ZFPM1: variants seen among roughly 807,000 people sequenced by gnomAD.
ZFPM1 encodes zinc finger protein, FOG family member 1.
Under a neutral mutation model 46.3 loss-of-function variants are expected in ZFPM1, and 28 were observed. That is an observed-to-expected ratio of 0.60 (90% CI 0.45 to 0.83). The LOEUF is 0.83. Among genes scored for constraint, ZFPM1 ranks in the 40% least tolerant of loss-of-function variants. ZFPM1 has a pLI of 0.00. For synonymous variants in ZFPM1, 957 were observed against 675.9 expected (o/e 1.42, Z -6.45); for missense variants, 1,878 against 1,432.4 (o/e 1.31, Z -5.02).
chr16:88,521,403 C>A (rs552775326), intron 4 of ZFPM1, among the ~76,000 whole-genome samples: 1 of 152,020 alleles, frequency 6.6e-6, no homozygotes, highest in African/African-American at 2.4e-5. Flanking sequence ...TGCTCAGACC[C>A]TGTGGTGCCT....
At chr16:88,523,788 G>T (rs1428194926) in intron 4 of ZFPM1, among the ~76,000 whole-genome samples, 1 of 152,180 alleles carries the variant, frequency 6.6e-6, no homozygotes, top group Non-Finnish European at 1.5e-5. Context: ...TCTCCTACCT[G>T]TTCCCTCCCG....
Position 88,453,568 on chromosome 16 carries a change from C to T in ZFPM1, c.-71C>T. 1 of 863,430 alleles carries T rather than the reference C, an allele frequency of 1.2e-6. No individual in the cohort carries two copies. The highest frequency in any genetic ancestry group is 1.4e-6 in the Non-Finnish European group (1 of 721,658). The allele number at this position is 863,430 out of a possible 1,614,324, so 53.5% of individuals were successfully genotyped here. On this transcript the variant is annotated 5_prime_UTR_variant, in exon 1 of 10. Transcript: ENST00000319555. ...CATGAGCGGCCCCGCGGCCCCGCCG[C>T]GCCCCCGCCGCCCGCCGCCGCCCGC...
intron 4 of ZFPM1, among the ~76,000 whole-genome samples, chr16:88,519,287 GGATGGA>G: frequency 6.6e-6 from 1 of 151,304 alleles, no homozygotes; most frequent in African/African-American, 2.4e-5. Context: ...ATGGATGGAT[GGATGGA>G]TGGGTGGGTG....
chr16:88,514,358 C>T (rs1214620008), intron 3 of ZFPM1, 29 bp from the exon 4 acceptor site: 28 of 1,557,426 alleles, frequency 1.8e-5, no homozygotes, highest in Admixed American at 1.9e-5. Flanking sequence ...AGACCGGGCA[C>T]GCCTCATGCC....
chr16:88,498,349 G>A (rs1368551864), intron 3 of ZFPM1, among the ~76,000 whole-genome samples: 1 of 152,218 alleles, frequency 6.6e-6, no homozygotes, highest in Non-Finnish European at 1.5e-5. Context: ...CGCATATCAG[G>A]TGCTGGATAG....
chr16:88,519,005 G>C (rs953980815), intron 4 of ZFPM1, among the ~76,000 whole-genome samples: 1 of 150,686 alleles, frequency 6.6e-6, no homozygotes, highest in African/African-American at 2.5e-5. Context: ...TAGACGTATG[G>C]GTGGATGGAT....
intron 1 of ZFPM1, among the ~76,000 whole-genome samples, chr16:88,472,367 T>G (rs1908466376): frequency 1.3e-5 from 2 of 149,948 alleles, no homozygotes; most frequent in African/African-American, 4.9e-5. Flanking sequence ...TTTTTTTTTT[T>G]TTTTTGAGAC....
chr16:88,504,695 C>A (rs1445313537), intron 3 of ZFPM1, among the ~76,000 whole-genome samples: 1 of 152,196 alleles, frequency 6.6e-6, no homozygotes, highest in Non-Finnish European at 1.5e-5. Context: ...GTCCAGCTGC[C>A]CCAGACGGGG....
chr16:88,499,954 C>T (rs1910157593), intron 3 of ZFPM1, among the ~76,000 whole-genome samples: 1 of 152,230 alleles, frequency 6.6e-6, no homozygotes, highest in Admixed American at 6.5e-5. Flanking sequence ...CCCTGGGTCT[C>T]CAGCCATCCT....
intron 1 of ZFPM1, among the ~76,000 whole-genome samples, chr16:88,479,982 A>T (rs1050170714): frequency 6.6e-6 from 1 of 151,350 alleles, no homozygotes; most frequent in African/African-American, 2.4e-5. Flanking sequence ...AGCTGTGGTG[A>T]CAACCTCACA....
intron 4 of ZFPM1, chr16:88,516,652 T>C: frequency 2.5e-6 from 1 of 398,660 alleles, no homozygotes; most frequent in Non-Finnish European, 4.4e-6. Flanking sequence ...CGATACTTCA[T>C]TTATTGTCTA....
At chr16:88,512,140 C>G (rs942111545) in intron 3 of ZFPM1, among the ~76,000 whole-genome samples, 1 of 152,234 alleles carries the variant, frequency 6.6e-6, no homozygotes, top group Non-Finnish European at 1.5e-5. Context: ...GAGGCTTGGC[C>G]GGCTGGCCCT....
In ZFPM1 at chr16:88,534,223, G is replaced by GC. The variant is rs984199988; in HGVS notation, c.2273dup (p.Pro759AlafsTer318). ...ACGAGCTGCACGCGGCCGGCGCCCC[G>GC]CCCCCCCCGCCGCCCGGCCACGCCC... On this transcript the variant is annotated frameshift_variant, in exon 10 of 10. Transcript: ENST00000319555. LOFTEE classifies it low-confidence loss of function (END_TRUNC). 3.4e-4 allele frequency: 231 copies of GC among 673,924 alleles called. No homozygotes were observed. Among genetic ancestry groups the GC allele is most frequent in the East Asian group, 4.8e-4 (3 of 6,212 alleles). 41.7% of individuals were successfully genotyped at this position (673,924 alleles called of 1,614,324 possible).
chr16:88,522,930 G>A (rs945930383), intron 4 of ZFPM1, among the ~76,000 whole-genome samples: 1 of 151,948 alleles, frequency 6.6e-6, no homozygotes, highest in African/African-American at 2.4e-5. Context: ...CCAAGGCCAG[G>A]CGCGGTGGTT....
intron 3 of ZFPM1, among the ~76,000 whole-genome samples, chr16:88,494,584 C>T (rs1909825677): frequency 6.6e-6 from 1 of 152,164 alleles, no homozygotes; most frequent in African/African-American, 2.4e-5. Flanking sequence ...GAGGGGGTGT[C>T]CGCGGGCCTC....
intron 4 of ZFPM1, among the ~76,000 whole-genome samples, chr16:88,519,882 G>A (rs1911689698): frequency 6.6e-6 from 1 of 151,464 alleles, no homozygotes; most frequent in Non-Finnish European, 1.5e-5. Context: ...TGGGTAGATG[G>A]AGAGATGTGT....
chr16:88,493,638 T>C (rs1308629398), intron 3 of ZFPM1, among the ~76,000 whole-genome samples: 1 of 104,890 alleles, frequency 9.5e-6, no homozygotes, highest in Non-Finnish European at 2.3e-5. Flanking sequence ...TGTCCCGGGG[T>C]GCGGTGAGCT....
rs1050498202 is a variant in ZFPM1 at position 88,536,740 on chromosome 16, C to G, written c.*1761C>G. On this transcript the variant is annotated 3_prime_UTR_variant, in exon 10 of 10. Transcript: ENST00000319555. ...CAATGGACAGACATGGCTTCCACCCCCTCCCAGGGACCTGAGCTCCAGGGA... is the reference window on the plus strand; with the variant it reads ...CAATGGACAGACATGGCTTCCACCCGCTCCCAGGGACCTGAGCTCCAGGGA... 1 of 152,288 alleles carries G rather than the reference C, an allele frequency of 6.6e-6. No homozygotes were observed. The highest frequency in any genetic ancestry group is 6.5e-5 in the Admixed American group (1 of 15,292). 9.4% of individuals were successfully genotyped at this position (152,288 alleles called of 1,614,324 possible).
chr16:88,525,771 G>A (rs747636948), intron 4 of ZFPM1, among the ~76,000 whole-genome samples: 6 of 152,186 alleles, frequency 3.9e-5, no homozygotes, highest in African/African-American at 9.6e-5. Context: ...TGGACTGCCC[G>A]CCCCACCTCG....
Sources: allele counts gnomAD v4.1 joint callset (sites outside exome capture counted in the v4.1 genomes callset), GRCh38; gene constraint gnomAD v4.1.1; transcripts MANE v1.5; gene names NCBI Gene and HGNC (gene_info 2026-07-23, HGNC 2026-07-21).